Variants in LMO7 observed in about 807,000 individuals in gnomAD.
LMO7 encodes LIM domain 7.
A neutral mutation model predicts 206.5 loss-of-function variants in LMO7; 120 were observed. The ratio of observed to expected loss-of-function variants is 0.58; its 90% CI spans 0.50 to 0.68. The LOEUF (loss-of-function observed/expected upper bound fraction) is 0.68, where lower values mean the gene tolerates loss of function less well. LMO7 is among the 30% of genes least tolerant of loss of function. The pLI is 0.00. For synonymous variants in LMO7, 706 were observed against 681.5 expected (o/e 1.04, Z -0.56); for missense variants, 1,959 against 1,957.9 (o/e 1.00, Z -0.01).
At chr13:75,621,766 A>G in exon 1 of LMO7, 1 of 1,612,904 alleles carries the variant, frequency 6.2e-7, no homozygotes, top group Non-Finnish European at 8.5e-7. Context: ...CTTCCAGAGA[A>G]CAGAGCTCGG....
intron 3 of LMO7, among the ~76,000 whole-genome samples, chr13:75,733,622 C>T (rs528165565): frequency 5.4e-4 from 80 of 148,902 alleles, no homozygotes; most frequent in African/African-American, 1.9e-3. Context: ...ATGCATCGTG[C>T]ACTGCACCCA....
chr13:75,790,550 T>G (rs1184932268), intron 4 of LMO7, among the ~76,000 whole-genome samples: 2 of 152,196 alleles, frequency 1.3e-5, no homozygotes, highest in African/African-American at 4.8e-5. Context: ...GTAGACTTTT[T>G]TACCCACTGG....
At chr13:75,703,770 AC>A (rs2042455832) in intron 1 of LMO7, among the ~76,000 whole-genome samples, 1 of 151,314 alleles carries the variant, frequency 6.6e-6, no homozygotes, top group Admixed American at 6.6e-5. Flanking sequence ...AAAGTGCAAA[AC>A]CCATCCTTTT....
chr13:75,783,625 A>G (rs2140383049), intron 4 of LMO7, among the ~76,000 whole-genome samples: 1 of 152,298 alleles, frequency 6.6e-6, no homozygotes, highest in South Asian at 2.1e-4. Context: ...ACCGGGCCAG[A>G]TACATCATTT....
intron 1 of LMO7, among the ~76,000 whole-genome samples, chr13:75,641,913 G>C (rs931750023): frequency 6.6e-6 from 1 of 152,022 alleles, no homozygotes; most frequent in African/African-American, 2.4e-5. Flanking sequence ...GCCAGCCTTG[G>C]CCTCCTAAAG....
intron 1 of LMO7, among the ~76,000 whole-genome samples, chr13:75,658,669 C>T (rs530409305): frequency 4.8e-4 from 73 of 152,210 alleles, no homozygotes; most frequent in African/African-American, 1.7e-3. Context: ...CTGCAAGCTG[C>T]GCCTCCTGAC....
upstream of LMO7, chr13:75,631,472 G>A (rs2034938774): frequency 6.6e-6 from 1 of 152,200 alleles, no homozygotes; most frequent in African/African-American, 2.4e-5. Flanking sequence ...GTCTTTAGAA[G>A]CTGACAGAAA....
At chr13:75,683,510 T>G (rs1288233890) in intron 1 of LMO7, among the ~76,000 whole-genome samples, 1 of 152,228 alleles carries the variant, frequency 6.6e-6, no homozygotes, top group Non-Finnish European at 1.5e-5. Flanking sequence ...TATATTTTCC[T>G]TAGCAGATTT....
At chr13:75,840,875 G>A (rs2059506263) in intron 22 of LMO7, among the ~76,000 whole-genome samples, 1 of 152,132 alleles carries the variant, frequency 6.6e-6, no homozygotes. Context: ...ATGGTAAAGG[G>A]TGGATGGGGG....
chr13:75,706,484 A>G (rs1456863167), intron 1 of LMO7, among the ~76,000 whole-genome samples: 1 of 152,208 alleles, frequency 6.6e-6, no homozygotes, highest in African/African-American at 2.4e-5. Context: ...CAAATGTTTT[A>G]TAATGCTTGT....
intron 2 of LMO7, among the ~76,000 whole-genome samples, chr13:75,630,808 T>C (rs1306854498): frequency 8.4e-6 from 1 of 118,698 alleles, no homozygotes; most frequent in Non-Finnish European, 1.7e-5. Context: ...GCCTGTTTTC[T>C]TTTTTCTTTT....
intron 2 of LMO7, among the ~76,000 whole-genome samples, chr13:75,716,301 A>G (rs2043529207): frequency 6.6e-6 from 1 of 152,234 alleles, no homozygotes; most frequent in African/African-American, 2.4e-5. Context: ...TAAAGTGGGG[A>G]TAAACCATGC....
At chr13:75,794,808 A>G (rs977145183) in intron 4 of LMO7, among the ~76,000 whole-genome samples, 2 of 152,174 alleles carry the variant, frequency 1.3e-5, no homozygotes, top group African/African-American at 4.8e-5. Flanking sequence ...TGATTCTTAT[A>G]ATACAGTGAA....
intron 3 of LMO7, among the ~76,000 whole-genome samples, chr13:75,751,885 A>G (rs1371902987): frequency 5.9e-5 from 9 of 152,074 alleles, no homozygotes; most frequent in East Asian, 1.9e-4. Context: ...TATTCCCTTT[A>G]TATTTGGGAG....
intron 1 of LMO7, among the ~76,000 whole-genome samples, chr13:75,709,649 G>T (rs532997041): frequency 2.0e-4 from 30 of 151,898 alleles, no homozygotes; most frequent in Middle Eastern, 3.4e-3. Context: ...GGGGCTGTTT[G>T]TTTTTTTTCT....
At chr13:75,747,933 C>T (rs567070263) in intron 3 of LMO7, among the ~76,000 whole-genome samples, 1 of 152,216 alleles carries the variant, frequency 6.6e-6, no homozygotes, top group South Asian at 2.1e-4. Context: ...AGTGAGGGAT[C>T]CTCATGTATA....
rs866886916 is a variant in LMO7 at position 75,636,627 on chromosome 13, C to G, written c.-31C>G. On this transcript the variant is annotated 5_prime_UTR_variant, in exon 1 of 31. Transcript: ENST00000377534. ...GACAACCCCTCCCCTCCACGCATCC[C>G]GAGTCTCTCTCTCCCTCCCTTGTCC... 9.6e-6 allele frequency: 15 copies of G among 1,561,740 alleles called. No individual in the cohort carries two copies. In the East Asian group the frequency reaches 2.6e-4, roughly 27 times the overall value.
chr13:75,785,673 CA>C (rs2052321269), intron 4 of LMO7, among the ~76,000 whole-genome samples: 1 of 152,134 alleles, frequency 6.6e-6, no homozygotes, highest in Admixed American at 6.5e-5. Flanking sequence ...TTCAAGAGGA[CA>C]GCATAGAATT....
chr13:75,773,019 G>A (rs2049953981), intron 4 of LMO7, among the ~76,000 whole-genome samples: 1 of 152,038 alleles, frequency 6.6e-6, no homozygotes, highest in Non-Finnish European at 1.5e-5. Flanking sequence ...TGGAGTGAGA[G>A]TTTAATGAAA....
Sources: gnomAD v4.1 joint callset for allele counts (sites outside exome capture counted in the v4.1 genomes callset) on GRCh38, gnomAD v4.1.1 for gene constraint, MANE v1.5 for transcripts, NCBI Gene and HGNC (gene_info 2026-07-23, HGNC 2026-07-21) for gene names.